FMN2: variants seen among roughly 807,000 people sequenced by gnomAD.
FMN2 encodes the protein formin-2.
In FMN2, 51 loss-of-function variants were observed where a neutral mutation model predicts 142.3. The ratio of observed to expected loss-of-function variants is 0.36; its 90% CI spans 0.29 to 0.45. The LOEUF (loss-of-function observed/expected upper bound fraction) is 0.45, where lower values mean the gene tolerates loss of function less well. Among genes scored for constraint, FMN2 ranks in the 20% least tolerant of loss-of-function variants. The pLI, the probability that FMN2 is intolerant of heterozygous loss-of-function variation, is 1.00. For synonymous variants in FMN2, 882 were observed against 869.8 expected (o/e 1.01, Z -0.25); for missense variants, 1,936 against 2,122.8 (o/e 0.91, Z 1.73).
intron 3 of FMN2, 143 bp downstream of exon 3, chr1:240,178,211 G>C (rs766538432): frequency 1.4e-5 from 13 of 935,024 alleles, no homozygotes; most frequent in African/African-American, 5.1e-5. Flanking sequence ...TTTACTTTGG[G>C]GTCTTTTCTC....
intron 2 of FMN2, among the ~76,000 whole-genome samples, chr1:240,168,703 G>A (rs1379380325): frequency 6.6e-6 from 1 of 151,978 alleles, no homozygotes; most frequent in Non-Finnish European, 1.5e-5. Context: ...GATATAGTAA[G>A]AAAATAAAAA....
intron 3 of FMN2, among the ~76,000 whole-genome samples, chr1:240,182,507 T>C (rs191771523): frequency 6.6e-6 from 1 of 152,288 alleles, no homozygotes; most frequent in East Asian, 1.9e-4. Context: ...AAGATTTTCA[T>C]GTGAAAATCC....
chr1:240,396,220 G>A (rs1045754780), intron 15 of FMN2, among the ~76,000 whole-genome samples: 1 of 151,992 alleles, frequency 6.6e-6, no homozygotes, highest in African/African-American at 2.4e-5. Flanking sequence ...TAGGAAACCA[G>A]AAAATTCGTG....
intron 16 of FMN2, among the ~76,000 whole-genome samples, chr1:240,451,102 T>G (rs960279503): frequency 6.6e-6 from 1 of 152,160 alleles, no homozygotes; most frequent in African/African-American, 2.4e-5. Flanking sequence ...GCGCAGTGGC[T>G]CACGCCTGTA....
intron 6 of FMN2, among the ~76,000 whole-genome samples, chr1:240,230,285 C>T (rs577937905): frequency 7.7e-6 from 1 of 130,168 alleles, no homozygotes; most frequent in Admixed American, 7.3e-5. Context: ...CGAGATCAAG[C>T]CACTGCACTC....
At chr1:240,205,450 T>A (rs1666299648) in intron 4 of FMN2, among the ~76,000 whole-genome samples, 1 of 147,792 alleles carries the variant, frequency 6.8e-6, no homozygotes, top group Non-Finnish European at 1.5e-5. Flanking sequence ...AAGGCAATGC[T>A]CTTTCCTTTT....
At chr1:240,109,777 A>G (rs186632548) in intron 1 of FMN2, among the ~76,000 whole-genome samples, 9 of 152,288 alleles carry the variant, frequency 5.9e-5, no homozygotes, top group Admixed American at 5.9e-4. Context: ...TCCCTGCGGT[A>G]TGTTGTCAGC....
At chr1:240,233,813 C>A (rs988812234) in intron 6 of FMN2, among the ~76,000 whole-genome samples, 1 of 152,052 alleles carries the variant, frequency 6.6e-6, no homozygotes, top group Non-Finnish European at 1.5e-5. Flanking sequence ...AAGAGGCAGG[C>A]GGACTCACAC....
intron 2 of FMN2, chr1:240,145,425 A>G (rs1663405533): frequency 2.7e-6 from 1 of 367,940 alleles, no homozygotes; most frequent in Non-Finnish European, 4.8e-6. Flanking sequence ...ACATAGTAAT[A>G]TATATATGTA....
At chr1:240,147,946 T>C (rs1307930743) in intron 2 of FMN2, among the ~76,000 whole-genome samples, 5 of 152,166 alleles carry the variant, frequency 3.3e-5, no homozygotes, top group African/African-American at 1.2e-4. Flanking sequence ...CTCTAGAAAG[T>C]GTGTTCTGTG....
chr1:240,408,306 G>C (rs1345967792), intron 15 of FMN2, among the ~76,000 whole-genome samples: 1 of 152,098 alleles, frequency 6.6e-6, no homozygotes, highest in African/African-American at 2.4e-5. Flanking sequence ...AAACATTCTT[G>C]ATTTATTCTA....
chr1:240,380,338 AAACTACAC>A (rs1673182955), intron 14 of FMN2, among the ~76,000 whole-genome samples: 2 of 152,178 alleles, frequency 1.3e-5, no homozygotes, highest in Admixed American at 1.3e-4. Flanking sequence ...AACTCTCAAA[AAACTACAC>A]AAGCATGTGG....
intron 2 of FMN2, among the ~76,000 whole-genome samples, chr1:240,169,707 T>C (rs1238018343): frequency 6.6e-6 from 1 of 152,108 alleles, no homozygotes; most frequent in Non-Finnish European, 1.5e-5. Context: ...TCTCCTGGGC[T>C]CAAGTAATAC....
At position 240,157,958 on chromosome 1, in the gene FMN2, C is replaced by G. The variant is rs150660392; in HGVS notation, c.1783-19963C>G. Among the ~76,000 whole-genome samples the G allele has an allele frequency of 5.5e-3, 781 of 140,976 alleles. 12 individuals carry two copies. The highest frequency in any genetic ancestry group is 0.02 in the African/African-American group (739 of 37,208). 92.5% of individuals were successfully genotyped at this position (140,976 alleles called of 152,430 possible). On this transcript the variant is annotated intron_variant, in intron 2 of 17. Coordinates refer to ENST00000319653, the MANE Select transcript of FMN2 (RefSeq NM_020066.5). Reference sequence around the variant, plus strand: ...TTGAAACCAGCTGAGGCAACATAGTCAGACTCTGTCTCTACTAAAAAAAAA... The same window carrying G: ...TTGAAACCAGCTGAGGCAACATAGTGAGACTCTGTCTCTACTAAAAAAAAA...
At chr1:240,286,955 T>TGAA (rs1669611527) in intron 7 of FMN2, among the ~76,000 whole-genome samples, 2 of 152,204 alleles carry the variant, frequency 1.3e-5, no homozygotes, top group Non-Finnish European at 2.9e-5. Flanking sequence ...TGTGTCTTTC[T>TGAA]ACTTCACTAT....
intron 4 of FMN2, 93 bp downstream of exon 4, chr1:240,188,355 G>A (rs1426745876): frequency 8.1e-6 from 11 of 1,358,986 alleles, no homozygotes; most frequent in Non-Finnish European, 1.1e-5. Context: ...CATCTGCCCG[G>A]CTGGCTAGGA....
At chr1:240,298,805 G>A (rs959395671) in intron 8 of FMN2, among the ~76,000 whole-genome samples, 2 of 152,150 alleles carry the variant, frequency 1.3e-5, no homozygotes, top group African/African-American at 2.4e-5. Flanking sequence ...CAAAAAGGTT[G>A]GGGACCGCTG....
At chr1:240,149,863 A>G (rs1450550322) in intron 2 of FMN2, among the ~76,000 whole-genome samples, 1 of 152,212 alleles carries the variant, frequency 6.6e-6, no homozygotes, top group African/African-American at 2.4e-5. Flanking sequence ...GAAATTAGAG[A>G]GTAGCGAAAG....
Position 240,169,961 on chromosome 1 carries a change from T to C in FMN2, c.1783-7960T>C, listed in dbSNP as rs145591946. On this transcript the variant is annotated intron_variant, in intron 2 of 17. Coordinates refer to ENST00000319653, the MANE Select transcript of FMN2 (RefSeq NM_020066.5). Reference sequence around the variant, plus strand: ...TTTAATATGGGTCTGCTGGCCTTGATAGACAATTGAGCTGGGGCAGTGCTG... The same window carrying C: ...TTTAATATGGGTCTGCTGGCCTTGACAGACAATTGAGCTGGGGCAGTGCTG... Among the ~76,000 whole-genome samples the C allele has an allele frequency of 3.9e-3, 590 of 152,320 alleles. 2 individuals are homozygous for C. Among genetic ancestry groups the C allele is most frequent in the African/African-American group, 0.014 (561 of 41,544 alleles).
Sources: gnomAD v4.1 joint callset for allele counts (sites outside exome capture counted in the v4.1 genomes callset) on GRCh38, gnomAD v4.1.1 for gene constraint, MANE v1.5 for transcripts, NCBI Gene and HGNC (gene_info 2026-07-23, HGNC 2026-07-21) for gene names.